The following XRCC2 variants were observed in gnomAD, a reference collection of about 807,000 sequenced individuals.
The protein encoded by XRCC2 is X-ray repair cross complementing 2, also known as DNA repair protein XRCC2.
In XRCC2, 24 loss-of-function variants were observed where a neutral mutation model predicts 27.3. That is an observed-to-expected ratio of 0.88 (90% CI 0.64 to 1.24). The LOEUF (loss-of-function observed/expected upper bound fraction) is 1.24, where lower values mean the gene tolerates loss of function less well. Among genes scored for constraint, XRCC2 ranks in the 50% most tolerant of loss-of-function variants. XRCC2 has a pLI of 0.00. For missense variants in XRCC2, 321 were observed against 325.8 expected, an observed-to-expected ratio of 0.99 and a Z score of 0.11; for synonymous variants, 106 against 115.4, an observed-to-expected ratio of 0.92 and a Z score of 0.52.
chr7:152,645,180 G>T lies in XRCC2; in HGVS notation c.*3462C>A, dbSNP rs143385846. 288 of 151,068 alleles carry T rather than the reference G, an allele frequency of 1.9e-3. 2 individuals are homozygous for T. Among genetic ancestry groups the T allele is most frequent in the African/African-American group, 6.6e-3 (272 of 41,402 alleles). 9.4% of individuals were successfully genotyped at this position (151,068 alleles called of 1,614,324 possible). ...AAGCTTTGTAATTTTCTCCAAAAAG[G>T]TCTTGCATATTTTTATTAGATTTAT... On this transcript the variant is annotated 3_prime_UTR_variant, in exon 3 of 3. Coordinates refer to ENST00000359321, the MANE Select transcript of XRCC2 (RefSeq NM_005431.2).
intron 1 of XRCC2, among the ~76,000 whole-genome samples, chr7:152,670,044 G>A (rs1056181906): frequency 6.6e-6 from 1 of 152,152 alleles, no homozygotes; most frequent in Non-Finnish European, 1.5e-5. Context: ...CTGCGTGAGA[G>A]TGACTTTTAA....
intron 1 of XRCC2, among the ~76,000 whole-genome samples, chr7:152,663,574 C>G (rs1253463920): frequency 6.6e-6 from 1 of 152,118 alleles, no homozygotes; most frequent in Non-Finnish European, 1.5e-5. Context: ...CACAGTGGCT[C>G]GCGCCTGTAA....
intron 1 of XRCC2, among the ~76,000 whole-genome samples, chr7:152,675,072 G>A (rs1228817078): frequency 2.6e-5 from 4 of 151,992 alleles, no homozygotes; most frequent in Non-Finnish European, 5.9e-5. Flanking sequence ...TCTCTCATCT[G>A]CATAAAAGAT....
At chr7:152,671,941 T>C (rs2098038367) in intron 1 of XRCC2, among the ~76,000 whole-genome samples, 2 of 152,042 alleles carry the variant, frequency 1.3e-5, no homozygotes, top group African/African-American at 4.8e-5. Flanking sequence ...CTCGGGAGGC[T>C]GAGGTGGGAG....
intron 2 of XRCC2, among the ~76,000 whole-genome samples, chr7:152,650,002 C>A (rs2098027856): frequency 6.6e-6 from 1 of 152,180 alleles, no homozygotes; most frequent in African/African-American, 2.4e-5. Context: ...GCACACGGAG[C>A]CCCCACCAGC....
intron 1 of XRCC2, among the ~76,000 whole-genome samples, chr7:152,673,370 G>C (rs1418663314): frequency 6.6e-6 from 1 of 151,616 alleles, no homozygotes; most frequent in African/African-American, 2.4e-5. Flanking sequence ...TTTTAGTAGA[G>C]ACAGGGTTTC....
intron 1 of XRCC2, among the ~76,000 whole-genome samples, chr7:152,662,661 C>T (rs1408508160): frequency 1.4e-5 from 2 of 145,088 alleles, no homozygotes; most frequent in African/African-American, 5.1e-5. Flanking sequence ...CAAGCTCCGC[C>T]TCCCGGGTTC....
At chr7:152,649,487 T>G (rs1477294880) in intron 2 of XRCC2, 124 bp from the exon 3 acceptor site, 9 of 1,238,940 alleles carry the variant, frequency 7.3e-6, no homozygotes, top group Non-Finnish European at 9.8e-6. Context: ...TAAATTCACT[T>G]TTGCCAAAAT....
chr7:152,666,755 T>A (rs745367325), intron 1 of XRCC2, among the ~76,000 whole-genome samples: 2 of 151,732 alleles, frequency 1.3e-5, no homozygotes, highest in Non-Finnish European at 2.9e-5. Context: ...GTAGCTGGAA[T>A]TACAGGCGTG....
rs1402182555 is a variant in XRCC2, at chr7:152,648,491, T to C, written c.*151A>G. ...ATCCCTGCACTCTAGGAGGCACACATAGGAGGATCCCTTGAGGCCAGGAGT... is the reference window on the plus strand; with the variant it reads ...ATCCCTGCACTCTAGGAGGCACACACAGGAGGATCCCTTGAGGCCAGGAGT... On this transcript the variant is annotated 3_prime_UTR_variant, in exon 3 of 3. Coordinates refer to ENST00000359321, the MANE Select transcript of XRCC2 (RefSeq NM_005431.2). 4 of 786,232 alleles carry C rather than the reference T, an allele frequency of 5.1e-6. No homozygotes were observed. In the African/African-American group the frequency reaches 7.0e-5, roughly 14 times the overall value. 48.7% of individuals were successfully genotyped at this position (786,232 alleles called of 1,614,324 possible). A position where few individuals can be genotyped will look rare whatever the true frequency, so the allele number is the denominator to read the frequency against.
At chr7:152,662,483 C>A (rs1256491843) in intron 1 of XRCC2, among the ~76,000 whole-genome samples, 1 of 148,042 alleles carries the variant, frequency 6.8e-6, no homozygotes, top group East Asian at 2.0e-4. Context: ...TCTTGGGAAT[C>A]AGCACAGATT....
chr7:152,673,873 T>G (rs555323759), intron 1 of XRCC2, among the ~76,000 whole-genome samples: 1 of 152,048 alleles, frequency 6.6e-6, no homozygotes, highest in Non-Finnish European at 1.5e-5. Context: ...GAGACTCTTG[T>G]CTCAAAAAAA....
intron 1 of XRCC2, among the ~76,000 whole-genome samples, chr7:152,662,739 AT>A (rs1178387794): frequency 1.3e-4 from 19 of 150,210 alleles, no homozygotes; most frequent in African/African-American, 2.9e-4. Context: ...CGCCCGGCTA[AT>A]TTTTTTGTAT....
chr7:152,663,353 A>T (rs2098034175), intron 1 of XRCC2, among the ~76,000 whole-genome samples: 1 of 87,296 alleles, frequency 1.1e-5, no homozygotes, highest in African/African-American at 4.9e-5. Flanking sequence ...AAGTAAAAAA[A>T]AAAAAAAAAA....
At chr7:152,658,934 G>C (rs1268523793) in intron 2 of XRCC2, among the ~76,000 whole-genome samples, 1 of 152,224 alleles carries the variant, frequency 6.6e-6, no homozygotes, top group Non-Finnish European at 1.5e-5. Flanking sequence ...ATAAACAAGA[G>C]TGTGCAAATA....
intron 1 of XRCC2, among the ~76,000 whole-genome samples, chr7:152,667,405 CA>C (rs60136474): frequency 7.3e-4 from 55 of 75,858 alleles, no homozygotes; most frequent in African/African-American, 4.4e-3. Flanking sequence ...AACTCCGTCT[CA>C]AAAAAAAAAA....
At chr7:152,664,569 C>A (rs2098034771) in intron 1 of XRCC2, among the ~76,000 whole-genome samples, 1 of 152,200 alleles carries the variant, frequency 6.6e-6, no homozygotes, top group Non-Finnish European at 1.5e-5. Flanking sequence ...ACACCATTCT[C>A]GAGCCTTTAA....
chr7:152,672,149 T>C (rs1440011198), intron 1 of XRCC2, among the ~76,000 whole-genome samples: 4 of 152,190 alleles, frequency 2.6e-5, no homozygotes, highest in Non-Finnish European at 5.9e-5. Flanking sequence ...GTTTTCACCA[T>C]GCGTAGGTAA....
In XRCC2 at chr7:152,646,217, T is replaced by G. The variant is rs2098025781; in HGVS notation, c.*2425A>C. ...ATACTTTTCCCCTTCTCCCGGACAATGCAAGGACCTTAGCACACTAATTCT... is the reference window on the plus strand; with the variant it reads ...ATACTTTTCCCCTTCTCCCGGACAAGGCAAGGACCTTAGCACACTAATTCT... On this transcript the variant is annotated 3_prime_UTR_variant, in exon 3 of 3. Transcript: ENST00000359321. 6.6e-6 allele frequency: 1 copy of G among 152,192 alleles called. No homozygotes were observed. Among genetic ancestry groups the G allele is most frequent in the Admixed American group, 6.6e-5 (1 of 15,254 alleles). The allele number at this position is 152,192 out of a possible 1,614,324, so 9.4% of individuals were successfully genotyped here.
Sources: gnomAD v4.1 joint callset for allele counts (sites outside exome capture counted in the v4.1 genomes callset) on GRCh38, gnomAD v4.1.1 for gene constraint, MANE v1.5 for transcripts, NCBI Gene and HGNC (gene_info 2026-07-23, HGNC 2026-07-21) for gene names.